Variants in LAMA3 observed in about 807,000 individuals in gnomAD.
LAMA3 encodes laminin subunit alpha 3, also known as laminin subunit alpha-3.
In LAMA3, 281 loss-of-function variants were observed where a neutral mutation model predicts 402.0. The ratio of observed to expected loss-of-function variants is 0.70; its 90% CI spans 0.63 to 0.77. The LOEUF (loss-of-function observed/expected upper bound fraction) is 0.77. Ranked by LOEUF, LAMA3 falls within the 30% of genes least tolerant of loss-of-function variation. The pLI is 0.00. For missense variants in LAMA3, 3,840 were observed against 4,215.5 expected (o/e 0.91, Z 2.47); for synonymous variants, 1,431 against 1,558.4 (o/e 0.92, Z 1.93).
At chr18:23,909,023 A>C (rs1239794162) in intron 54 of LAMA3, 130 bp from the exon 55 acceptor site, 1 of 843,434 alleles carries the variant, frequency 1.2e-6, no homozygotes, top group African/African-American at 1.7e-5. Context: ...ACCGTAACTA[A>C]TTATGACCCA....
chr18:23,810,268 C>T (rs567867919), intron 12 of LAMA3, 98 bp from the exon 13 acceptor site: 283 of 1,442,402 alleles, frequency 2.0e-4, no homozygotes, highest in Non-Finnish European at 2.5e-4. Flanking sequence ...GTGTTTGGGT[C>T]TTTCTGGCTC....
intron 11 of LAMA3, among the ~76,000 whole-genome samples, chr18:23,778,635 G>A (rs548632340): frequency 6.6e-6 from 1 of 152,168 alleles, no homozygotes; most frequent in East Asian, 1.9e-4. Flanking sequence ...GAAGGGCACA[G>A]CACACGCACA....
intron 42 of LAMA3, among the ~76,000 whole-genome samples, chr18:23,891,423 A>T (rs1165559923): frequency 6.6e-6 from 1 of 152,224 alleles, no homozygotes; most frequent in African/African-American, 2.4e-5. Flanking sequence ...TGTTGGGAAG[A>T]TAAGTGGGTA....
intron 17 of LAMA3, 92 bp from the exon 18 acceptor site, chr18:23,816,296 G>T: frequency 1.1e-6 from 1 of 909,684 alleles, no homozygotes; most frequent in Non-Finnish European, 1.8e-6. Context: ...CTGTGTCACT[G>T]GGATGGTCAG....
chr18:23,880,701 AC>A lies in LAMA3; in HGVS notation c.5113-1232del, dbSNP rs374720306. 3.1e-4 allele frequency among the ~76,000 whole-genome samples: 47 copies of A among 152,306 alleles called. 1 individual carries two copies. In the East Asian group the frequency reaches 3.5e-3, roughly 11 times the overall value. On this transcript the variant is annotated intron_variant, in intron 39 of 74. Transcript: ENST00000313654. ...AGACCATCCTGACCAACATGGTGAA[AC>A]CCTGTCTTTACTAAAAGTACAAAAA... is the stretch of plus-strand genomic sequence containing the variant.
At position 23,931,722 on chromosome 18, in the gene LAMA3, C is replaced by A. The variant is rs1370956852; in HGVS notation, c.8577-438C>A. On this transcript the variant is annotated intron_variant, in intron 65 of 74. Transcript: ENST00000313654. ...CCTTTATACAAAGTTCAAAAACAGG[C>A]AAGAACTAATCCATTCCATCAGAAT... 4 of 229,948 alleles carry A rather than the reference C, an allele frequency of 1.7e-5. No homozygotes were observed. The Admixed American group carries it at 2.1e-4, about 12-fold the overall frequency. 14.2% of individuals were successfully genotyped at this position (229,948 alleles called of 1,614,324 possible).
chr18:23,871,950 AG>A (rs1304467938), intron 38 of LAMA3, among the ~76,000 whole-genome samples: 2 of 152,228 alleles, frequency 1.3e-5, no homozygotes, highest in Non-Finnish European at 2.9e-5. Context: ...AATAGCTAGA[AG>A]GAGGATATTG....
intron 55 of LAMA3, 75 bp from the exon 56 acceptor site, chr18:23,912,636 C>A: frequency 7.8e-7 from 1 of 1,282,220 alleles, no homozygotes; most frequent in Non-Finnish European, 1.1e-6. Context: ...GGCTACGAGT[C>A]ACAAACTAGC....
At chr18:23,698,363 C>T (rs1360822424) in intron 1 of LAMA3, among the ~76,000 whole-genome samples, 3 of 152,090 alleles carry the variant, frequency 2.0e-5, no homozygotes, top group South Asian at 2.1e-4. Context: ...CCTGCCATCA[C>T]GCCCAGCTAA....
Position 23,839,682 on chromosome 18 carries a change from T to C in LAMA3, c.3192-103T>C. 2 of 1,216,498 alleles carry C rather than the reference T, an allele frequency of 1.6e-6. No individual in the cohort carries two copies. The highest frequency in any genetic ancestry group is 1.2e-5 in the South Asian group (1 of 81,194). The allele number at this position is 1,216,498 out of a possible 1,614,324, so 75.4% of individuals were successfully genotyped here. On this transcript the variant is annotated intron_variant, in intron 26 of 74. Coordinates refer to ENST00000313654, the MANE Select transcript of LAMA3 (RefSeq NM_198129.4). This position sits in a 1 kb window ranked among gnomAD's most constrained non-coding sequence, Gnocchi z 4.5. ...TTCCCCCAGCACTGGATCCTTTTGA[T>C]GCCCATGCAGTCCTATGCTCCAAGT... is the stretch of plus-strand genomic sequence containing the variant.
chr18:23,782,667 T>A (rs1178828240), intron 11 of LAMA3, among the ~76,000 whole-genome samples: 5 of 152,308 alleles, frequency 3.3e-5, no homozygotes, highest in African/African-American at 1.2e-4. Flanking sequence ...TTAAAATCAT[T>A]CTCAACTTGT....
In LAMA3 at chr18:23,858,841, CAG is replaced by C. The variant is rs1257979992; in HGVS notation, c.4422+14_4422+15del. ...AGCGAAGGACTAAGGTATGCATTGA[CAG>C]AAAGTGCTGGGGAACATTTTGTACA... is the stretch of plus-strand genomic sequence containing the variant. On this transcript the variant is annotated intron_variant, in intron 34 of 74. Coordinates refer to ENST00000313654, the MANE Select transcript of LAMA3 (RefSeq NM_198129.4). 6.2e-7 allele frequency: 1 copy of C among 1,613,504 alleles called. No individual in the cohort carries two copies. The highest frequency in any genetic ancestry group is 1.1e-5 in the South Asian group (1 of 91,084).
Position 23,749,505 on chromosome 18 carries a change from G to A in LAMA3, c.643G>A (p.Val215Ile), listed in dbSNP as rs1314349920. 6.2e-7 allele frequency: 1 copy of A among 1,612,662 alleles called. No homozygotes were observed. Among genetic ancestry groups the A allele is most frequent in the Non-Finnish European group, 8.5e-7 (1 of 1,178,624 alleles). ...CACCCGGGATGATGATGTACTTTGT[G>A]TTACTGAATATTCCCGTATTGTACC... ...AVTRDDDVLCVTEYSRIVPLE... is the reference protein window; with the variant it reads ...AVTRDDDVLCITEYSRIVPLE... Residue 215 changes from valine (V) to isoleucine (I), a missense_variant, in exon 4 of 75, where the codon GTT (valine) becomes ATT (isoleucine). Val to Ile is a conservative substitution (Grantham distance 29, BLOSUM62 3). Transcript: ENST00000313654.
rs369681836 is a variant in LAMA3, at chr18:23,842,474, C to T, written c.3416C>T (p.Pro1139Leu). The change falls in exon 28 of 75, where the codon CCG (proline) becomes CTG (leucine). Residue 1139 changes from proline (P) to leucine (L), a missense_variant. Pro to Leu is a moderately conservative substitution (Grantham distance 98, BLOSUM62 -3). This residue lies in a region of LAMA3 where 2,109 missense variants were observed against 2,376.0 expected (regional missense o/e 0.89). Coordinates refer to ENST00000313654, the MANE Select transcript of LAMA3 (RefSeq NM_198129.4). ...FVIHFYQAAH[P>L]TFPAQVSVDG... ...ATCCATTTTTACCAAGCAGCGCACC[C>T]GACGTTTCCCGCGCAGGTGTCGGTG... 1.2e-5 allele frequency: 20 copies of T among 1,614,180 alleles called. No homozygotes were observed. The highest frequency in any genetic ancestry group is 1.6e-4 in the Middle Eastern group (1 of 6,062).
chr18:23,796,288 A>G, intron 12 of LAMA3: 1 of 200,300 alleles, frequency 5.0e-6, no homozygotes, highest in Non-Finnish European at 1.1e-5. Flanking sequence ...TTCTGGAATT[A>G]GTCCTGTGGC....
chr18:23,946,384 A>C, intron 70 of LAMA3, 100 bp downstream of exon 70: 62 of 1,237,652 alleles, frequency 5.0e-5, no homozygotes, highest in Middle Eastern at 3.8e-4. Flanking sequence ...TGAGAATCTC[A>C]AAATACTTTA....
chr18:23,713,417 C>T (rs1022265269), intron 1 of LAMA3, among the ~76,000 whole-genome samples: 1 of 152,242 alleles, frequency 6.6e-6, no homozygotes. Flanking sequence ...CCATTGGCCA[C>T]AGCCATCTAC....
At chr18:23,736,069 T>C (rs537908367) in intron 2 of LAMA3, among the ~76,000 whole-genome samples, 1 of 152,128 alleles carries the variant, frequency 6.6e-6, no homozygotes, top group East Asian at 1.9e-4. Flanking sequence ...AGTATTATTA[T>C]TATTTCTTTA....
At chr18:23,929,178 A>G (rs1246248123) in intron 64 of LAMA3, among the ~76,000 whole-genome samples, 1 of 152,044 alleles carries the variant, frequency 6.6e-6, no homozygotes, top group African/African-American at 2.4e-5. Flanking sequence ...GCCTTTTTGC[A>G]GCAGCAGCAG....
Sources: allele counts gnomAD v4.1 joint callset (sites outside exome capture counted in the v4.1 genomes callset), GRCh38; gene constraint gnomAD v4.1.1; regional missense constraint gnomAD v4.1.1; non-coding constraint Gnocchi (gnomAD v3.1); transcripts MANE v1.5; gene names NCBI Gene and HGNC (gene_info 2026-07-23, HGNC 2026-07-21).